Variants in CTCF observed in about 807,000 individuals in gnomAD.
CTCF encodes transcriptional repressor CTCF.
Under a neutral mutation model 72.3 loss-of-function variants are expected in CTCF, and 7 were observed. The observed-to-expected ratio is 0.10, with a 90% confidence interval of 0.06 to 0.18. The LOEUF (loss-of-function observed/expected upper bound fraction) is 0.18. Ranked by LOEUF, CTCF falls within the 10% of genes least tolerant of loss-of-function variation. The pLI is 1.00. For missense variants in CTCF, 516 were observed against 949.1 expected (o/e 0.54, Z 6.00); for synonymous variants, 374 against 315.8 (o/e 1.18, Z -1.95).
At chr16:67,601,517 T>C (rs1421825648) in intron 2 of CTCF, among the ~76,000 whole-genome samples, 1 of 151,886 alleles carries the variant, frequency 6.6e-6, no homozygotes, top group Admixed American at 6.6e-5. Flanking sequence ...TTTGTTTTTG[T>C]ATTTCTAGTC....
intron 2 of CTCF, among the ~76,000 whole-genome samples, chr16:67,573,436 T>A (rs954143257): frequency 1.3e-5 from 2 of 151,676 alleles, no homozygotes; most frequent in African/African-American, 2.4e-5. Context: ...TCTCAAAAAA[T>A]AAATAAATAA....
In CTCF at chr16:67,580,483, G is replaced by A. The variant is rs370861613; in HGVS notation, c.-10+9219G>A. 9.2e-5 allele frequency among the ~76,000 whole-genome samples: 14 copies of A among 152,214 alleles called. No individual in the cohort carries two copies. The East Asian group carries it at 2.5e-3, about 27-fold the overall frequency. ...GCCATCCAAGGTGTTGGGATTACAG[G>A]TGTGAGCCACCATGCCCAGCTTAGT... On this transcript the variant is annotated intron_variant, in intron 2 of 11. Coordinates refer to ENST00000264010, the MANE Select transcript of CTCF (RefSeq NM_006565.4).
chr16:67,591,005 C>G (rs1375212584), intron 2 of CTCF, among the ~76,000 whole-genome samples: 1 of 138,360 alleles, frequency 7.2e-6, no homozygotes, highest in Non-Finnish European at 1.5e-5. Context: ...GTGGCTCACA[C>G]AAATGCTGTG....
chr16:67,592,784 T>C (rs1022997292), intron 2 of CTCF, among the ~76,000 whole-genome samples: 1 of 151,958 alleles, frequency 6.6e-6, no homozygotes, highest in South Asian at 2.1e-4. Flanking sequence ...CTCAGCACTT[T>C]GGGAGGCCGA....
In CTCF at chr16:67,611,537, T is replaced by C; in HGVS notation, c.705T>C (p.Gly235=). The change falls in exon 3 of 12, where the codon GGT becomes GGC. Residue 235 remains glycine, a synonymous_variant. Coordinates refer to ENST00000264010, the MANE Select transcript of CTCF (RefSeq NM_006565.4). ...VYDFEEEQQE[G]LLSEVNAEKV... is the part of the protein sequence containing the mutation. The stretch of plus-strand genomic sequence containing the variant: ...ATTTTGAGGAAGAACAGCAGGAGGG[T>C]CTGCTATCAGAGGTTAATGCAGAGA... The C allele has an allele frequency of 1.2e-6, 2 of 1,613,818 alleles. No homozygotes were observed. The highest frequency in any genetic ancestry group is 1.7e-6 in the Non-Finnish European group (2 of 1,179,826).
At chr16:67,584,671 C>T (rs529894080) in intron 2 of CTCF, among the ~76,000 whole-genome samples, 4 of 152,052 alleles carry the variant, frequency 2.6e-5, no homozygotes, top group South Asian at 4.2e-4. Flanking sequence ...TACTGGTTCC[C>T]TTCTTACCTA....
intron 2 of CTCF, among the ~76,000 whole-genome samples, chr16:67,600,524 C>T (rs2051872514): frequency 6.6e-6 from 1 of 152,124 alleles, no homozygotes; most frequent in African/African-American, 2.4e-5. Flanking sequence ...GCCACCATGC[C>T]TAGCCTGGCT....
At chr16:67,628,273 G>A in intron 8 of CTCF, 97 bp from the exon 9 acceptor site, 1 of 1,072,974 alleles carries the variant, frequency 9.3e-7, no homozygotes, top group South Asian at 1.5e-5. Context: ...GACCTAGCTT[G>A]GGTGAGAAAT....
At position 67,629,544 on chromosome 16, in the gene CTCF, T is replaced by C; in HGVS notation, c.1837+11T>C. 1.2e-6 allele frequency: 2 copies of C among 1,612,124 alleles called. No individual in the cohort carries two copies. Among genetic ancestry groups the C allele is most frequent in the East Asian group, 2.2e-5 (1 of 44,832 alleles). On this transcript the variant is annotated intron_variant, in intron 10 of 11. Transcript: ENST00000264010. ...ATTCCTCTGACAGTGGTAAGTGACT[T>C]GTTCCTTGATTTGCTTACTATGGCA... is the stretch of plus-strand genomic sequence containing the variant.
At position 67,628,483 on chromosome 16, in the gene CTCF, C is replaced by T; in HGVS notation, c.1632C>T (p.Arg544=). ...QKQLLDMHFK[R]YHDPNFVPAA... ...AGCTTCTCGACATGCACTTCAAGCG[C>T]TATCACGACCCCAACTTCGTCCCTG... The change falls in exon 9 of 12, where the codon CGC becomes CGT. Residue 544 remains arginine (R), a synonymous_variant. Transcript: ENST00000264010. 6.2e-7 allele frequency: 1 copy of T among 1,614,230 alleles called. No individual in the cohort carries two copies. Among genetic ancestry groups the T allele is most frequent in the Non-Finnish European group, 8.5e-7 (1 of 1,180,048 alleles).
chr16:67,621,230 T>C lies in CTCF; in HGVS notation c.1208-212T>C, dbSNP rs7191281. ...TGCTGTAATGTGGAGGATTCCAGAGTAGAGCTGGGCAGAGCAGAGGTGGCC... is the reference window on the plus strand; with the variant it reads ...TGCTGTAATGTGGAGGATTCCAGAGCAGAGCTGGGCAGAGCAGAGGTGGCC... On this transcript the variant is annotated intron_variant, in intron 6 of 11. Transcript: ENST00000264010. 65,997 of 469,084 alleles carry C rather than the reference T, an allele frequency of 0.14. 6,164 individuals are homozygous for C. The highest frequency in any genetic ancestry group is 0.33 in the African/African-American group (17,476 of 52,198). 29.1% of individuals were successfully genotyped at this position (469,084 alleles called of 1,614,324 possible). A position where few individuals can be genotyped will look rare whatever the true frequency, so the allele number is the denominator to read the frequency against.
intron 10 of CTCF, among the ~76,000 whole-genome samples, chr16:67,632,640 CT>C (rs2052380593): frequency 6.6e-5 from 1 of 15,048 alleles, no homozygotes; most frequent in African/African-American, 3.4e-4. Context: ...TGTTAGCCTG[CT>C]TTTGTGTGCT....
rs959196385 is a variant in CTCF at position 67,584,720 on chromosome 16, G to A, written c.-10+13456G>A. On this transcript the variant is annotated intron_variant, in intron 2 of 11. Coordinates refer to ENST00000264010, the MANE Select transcript of CTCF (RefSeq NM_006565.4). Reference sequence around the variant, plus strand: ...AATTGATAACCTAATAAAACTGTAGGATATTAAAGCCAAAAGAAAATTTAA... The same window carrying A: ...AATTGATAACCTAATAAAACTGTAGAATATTAAAGCCAAAAGAAAATTTAA... 2.6e-5 allele frequency among the ~76,000 whole-genome samples: 4 copies of A among 151,976 alleles called. No individual in the cohort carries two copies. In the South Asian group the frequency reaches 6.2e-4, roughly 24 times the overall value.
intron 4 of CTCF, 74 bp from the exon 5 acceptor site, chr16:67,616,671 T>A (rs1947615796): frequency 2.6e-6 from 4 of 1,539,336 alleles, no homozygotes; most frequent in Non-Finnish European, 3.6e-6. Flanking sequence ...ATAGCAGTTC[T>A]GTGCCACACA....
chr16:67,573,458 A>G (rs1461379060), intron 2 of CTCF, among the ~76,000 whole-genome samples: 1 of 152,082 alleles, frequency 6.6e-6, no homozygotes, highest in Non-Finnish European at 1.5e-5. Flanking sequence ...TAAATATTAA[A>G]TATTGTTATA....
chr16:67,621,837 AATGGGAGCTGTG>A (rs937865340), intron 7 of CTCF, among the ~76,000 whole-genome samples: 1 of 147,994 alleles, frequency 6.8e-6, no homozygotes, highest in African/African-American at 2.5e-5. Context: ...TCTATAAATT[AATGGGAGCTGTG>A]ATGGGAGGAG....
intron 2 of CTCF, among the ~76,000 whole-genome samples, chr16:67,597,306 T>TTACA (rs1248681534): frequency 1.3e-5 from 2 of 152,034 alleles, no homozygotes; most frequent in African/African-American, 4.8e-5. Context: ...AGTGTTTGAA[T>TTACA]TACAGGCGTA....
chr16:67,608,681 A>G (rs890228011), intron 2 of CTCF, among the ~76,000 whole-genome samples: 1 of 152,118 alleles, frequency 6.6e-6, no homozygotes, highest in Non-Finnish European at 1.5e-5. Flanking sequence ...GGATCTCATG[A>G]TAAATATTAT....
intron 4 of CTCF, chr16:67,615,174 G>A (rs1466188086): frequency 1.3e-5 from 2 of 152,240 alleles, no homozygotes; most frequent in African/African-American, 2.4e-5. Context: ...TGAGTGAAGG[G>A]ATGTAGGTGG....
Sources: gnomAD v4.1 joint callset for allele counts (sites outside exome capture counted in the v4.1 genomes callset) on GRCh38, gnomAD v4.1.1 for gene constraint, MANE v1.5 for transcripts, NCBI Gene and HGNC (gene_info 2026-07-23, HGNC 2026-07-21) for gene names.